Variants in FUT8 observed in about 807,000 individuals in gnomAD.
The protein encoded by FUT8 is alpha-(1,6)-fucosyltransferase.
In FUT8, 29 loss-of-function variants were observed where a neutral mutation model predicts 71.3. The observed-to-expected ratio is 0.41, with a 90% CI of 0.30 to 0.55. The LOEUF (loss-of-function observed/expected upper bound fraction) is 0.55, where lower values mean the gene tolerates loss of function less well. Among genes scored for constraint, FUT8 ranks in the 20% least tolerant of loss-of-function variants. FUT8 has a pLI of 0.34. For synonymous variants in FUT8, 254 were observed against 239.3 expected (o/e 1.06, Z -0.57); for missense variants, 544 against 702.1 (o/e 0.77, Z 2.55).
At chr14:65,575,144 C>T (rs531813521) in intron 3 of FUT8, among the ~76,000 whole-genome samples, 5 of 151,426 alleles carry the variant, frequency 3.3e-5, no homozygotes, top group African/African-American at 7.3e-5. Context: ...TGCCTCTGGA[C>T]GGCTGTGTCC....
At chr14:65,582,579 A>G (rs945436697) in intron 3 of FUT8, among the ~76,000 whole-genome samples, 4 of 152,122 alleles carry the variant, frequency 2.6e-5, no homozygotes, top group African/African-American at 9.7e-5. Context: ...TTCTTCTGAG[A>G]ATCCTTTCTT....
At chr14:65,363,829 T>G in the FUT8 span, among the ~76,000 whole-genome samples, 1 of 152,256 alleles carries the variant, frequency 6.6e-6, no homozygotes, top group Non-Finnish European at 1.5e-5. Flanking sequence ...CTCCATTTCT[T>G]TATGAAGGCT....
chr14:65,742,374 G>A lies in FUT8; in HGVS notation c.1692G>A (p.Thr564=), dbSNP rs144534344. ...ACAAAGTTCGAGAGAAGATAGAAAC[G>A]GTCAAGTACCCCACATATCCTGAGG... ...PSYKVREKIE[T]VKYPTYPEAE... is the part of the protein sequence containing the mutation. Residue 564 remains threonine, a synonymous_variant, in exon 11 of 11, where the codon ACG becomes ACA. Transcript: ENST00000673929. The A allele has an allele frequency of 2.7e-5, 43 of 1,612,380 alleles. No individual in the cohort carries two copies. Among genetic ancestry groups the A allele is most frequent in the South Asian group, 3.3e-5 (3 of 91,034 alleles).
intron 4 of FUT8, 30 bp downstream of exon 4, chr14:65,616,123 T>G (rs1309948884): frequency 6.2e-7 from 1 of 1,603,382 alleles, no homozygotes; most frequent in Non-Finnish European, 8.5e-7. Context: ...TTTCCCCTCC[T>G]CAGTATATGG....
chr14:65,655,079 A>G (rs1208389590), intron 6 of FUT8, among the ~76,000 whole-genome samples: 2 of 151,956 alleles, frequency 1.3e-5, no homozygotes, highest in African/African-American at 4.8e-5. Context: ...ATCCAACTAT[A>G]TGCTGTCCCC....
At chr14:65,573,934 A>G (rs1434794566) in intron 3 of FUT8, among the ~76,000 whole-genome samples, 9 of 152,210 alleles carry the variant, frequency 5.9e-5, no homozygotes, top group Non-Finnish European at 1.0e-4. Context: ...CAAACTTACT[A>G]TCACACAGTT....
rs140472321 is a variant in FUT8 at position 65,452,960 on chromosome 14, C to G, written c.-325-2661C>G. Among the ~76,000 whole-genome samples the G allele has an allele frequency of 2.6e-5, 4 of 152,228 alleles. No individual in the cohort carries two copies. The East Asian group carries it at 7.7e-4, about 29-fold the overall frequency. On this transcript the variant is annotated intron_variant, in intron 1 of 10. Coordinates refer to ENST00000673929, the MANE Select transcript of FUT8 (RefSeq NM_001371533.1). ...CTTTTAATGTCCTAGTCTCCTAATT[C>G]TATCAACCCTGTCATTTCTGGGTTG... is the stretch of plus-strand genomic sequence containing the variant.
chr14:65,417,969 T>G (rs1199465508), intron 1 of FUT8, among the ~76,000 whole-genome samples: 2 of 152,204 alleles, frequency 1.3e-5, no homozygotes, highest in East Asian at 3.8e-4. Flanking sequence ...GTCACAGCCT[T>G]GATGACTGGT....
intron 2 of FUT8, among the ~76,000 whole-genome samples, chr14:65,474,232 A>T (rs1470694035): frequency 6.6e-6 from 1 of 151,718 alleles, no homozygotes; most frequent in Non-Finnish European, 1.5e-5. Context: ...AAAATCTCAG[A>T]CTTCACCACT....
intron 5 of FUT8, among the ~76,000 whole-genome samples, chr14:65,624,640 G>A (rs962441478): frequency 6.6e-6 from 1 of 152,192 alleles, no homozygotes; most frequent in Non-Finnish European, 1.5e-5. Flanking sequence ...CTGTGCATTC[G>A]TGCACCCATG....
Position 65,455,623 on chromosome 14 carries a change from T to A in FUT8, c.-323T>A. Reference sequence around the variant, plus strand: ...CATATATTTTTATTTTGTTTCAGGTTGCTGCTTTTGCTCAGAGGACATCCA... The same window carrying A: ...CATATATTTTTATTTTGTTTCAGGTAGCTGCTTTTGCTCAGAGGACATCCA... On this transcript the variant is annotated splice_region_variant and 5_prime_UTR_variant, in exon 2 of 11. Coordinates refer to ENST00000673929, the MANE Select transcript of FUT8 (RefSeq NM_001371533.1). The A allele has an allele frequency of 2.5e-6, 1 of 398,344 alleles. No homozygotes were observed. Among genetic ancestry groups the A allele is most frequent in the Admixed American group, 4.4e-5 (1 of 22,728 alleles). 24.7% of individuals were successfully genotyped at this position (398,344 alleles called of 1,614,324 possible). A position where few individuals can be genotyped will look rare whatever the true frequency, so the allele number is the denominator to read the frequency against.
In FUT8 at chr14:65,587,425, C is replaced by T. The variant is rs377036065; in HGVS notation, c.203+25659C>T. 1.7e-4 allele frequency among the ~76,000 whole-genome samples: 26 copies of T among 152,146 alleles called. 1 individual carries two copies. The East Asian group carries it at 3.9e-3, about 23-fold the overall frequency. ...ATCTTTGGTAACTGATCTGTTACTG[C>T]GTTACACAAGTGATAATATTTAGGA... On this transcript the variant is annotated intron_variant, in intron 3 of 10. Transcript: ENST00000673929.
At chr14:65,386,503 C>CAAAA in the FUT8 span, among the ~76,000 whole-genome samples, 3 of 46,854 alleles carry the variant, frequency 6.4e-5, no homozygotes, top group Non-Finnish European at 1.5e-4. Context: ...GACCTCGTCT[C>CAAAA]AAAAAAAAAA....
chr14:65,398,521 G>A, the FUT8 span, among the ~76,000 whole-genome samples: 7 of 151,934 alleles, frequency 4.6e-5, no homozygotes, highest in Non-Finnish European at 7.4e-5. Context: ...GGATCACAAG[G>A]TCAAGAGATC....
At chr14:65,611,306 C>G (rs57256851) in intron 3 of FUT8, among the ~76,000 whole-genome samples, 1 of 118,946 alleles carries the variant, frequency 8.4e-6, no homozygotes. Context: ...CACACACCCC[C>G]CAAGTAATAG....
At chr14:65,439,767 C>T (rs752613509) in intron 1 of FUT8, among the ~76,000 whole-genome samples, 4 of 151,656 alleles carry the variant, frequency 2.6e-5, no homozygotes, top group Non-Finnish European at 5.9e-5. Flanking sequence ...GCACAAAAGC[C>T]TCCTAGTGTT....
At chr14:65,441,083 GA>G (rs759671129) in intron 1 of FUT8, among the ~76,000 whole-genome samples, 6 of 152,250 alleles carry the variant, frequency 3.9e-5, no homozygotes, top group Non-Finnish European at 8.8e-5. Context: ...ATTTTACACA[GA>G]TTTTTTTTAG....
chr14:65,548,304 T>C (rs187007789), intron 2 of FUT8, among the ~76,000 whole-genome samples: 157 of 152,216 alleles, frequency 1.0e-3, no homozygotes, highest in Non-Finnish European at 1.5e-3. Flanking sequence ...TCCCTTTCTG[T>C]AATGTCATGT....
chr14:65,435,399 A>C (rs1187270868), intron 1 of FUT8, among the ~76,000 whole-genome samples: 2 of 152,196 alleles, frequency 1.3e-5, no homozygotes, highest in Non-Finnish European at 2.9e-5. Context: ...TTTACTTAGA[A>C]AATTCATTGA....
Sources: allele counts gnomAD v4.1 joint callset (sites outside exome capture counted in the v4.1 genomes callset), GRCh38; gene constraint gnomAD v4.1.1; transcripts MANE v1.5; gene names NCBI Gene and HGNC (gene_info 2026-07-23, HGNC 2026-07-21).